The following SFMBT2 variants were observed in gnomAD, a reference collection of about 807,000 sequenced individuals.
SFMBT2 encodes the protein scm-like with four MBT domains protein 2.
Under a neutral mutation model 110.1 loss-of-function variants are expected in SFMBT2, and 38 were observed. The observed-to-expected ratio is 0.35, with a 90% confidence interval of 0.27 to 0.45. The LOEUF is 0.45. Ranked by LOEUF, SFMBT2 falls within the 20% of genes least tolerant of loss-of-function variation. The probability of loss-of-function intolerance (pLI) is 1.00; values close to 1 mark genes in which losing one functional copy is unlikely to be tolerated. For missense variants in SFMBT2, 1,011 were observed against 1,094.9 expected (o/e 0.92, Z 1.08); for synonymous variants, 425 against 425.4 (o/e 1.00, Z 0.01).
intron 11 of SFMBT2, among the ~76,000 whole-genome samples, chr10:7,210,763 C>T (rs1053226297): frequency 2.6e-5 from 4 of 152,324 alleles, no homozygotes; most frequent in Admixed American, 2.6e-4. Flanking sequence ...AGAAGCCCAG[C>T]GCGCAAAGCC....
At chr10:7,231,251 C>G (rs565727060) in intron 9 of SFMBT2, among the ~76,000 whole-genome samples, 1 of 152,302 alleles carries the variant, frequency 6.6e-6, no homozygotes, top group East Asian at 1.9e-4. Flanking sequence ...TTGTTAAAGT[C>G]AAGATCTCCT....
chr10:7,233,685 C>T (rs896979470), intron 9 of SFMBT2, among the ~76,000 whole-genome samples: 1 of 152,196 alleles, frequency 6.6e-6, no homozygotes, highest in Non-Finnish European at 1.5e-5. Context: ...ACTCACAGAG[C>T]AGCACTTCGG....
chr10:7,252,846 T>C (rs1414670021), intron 7 of SFMBT2, among the ~76,000 whole-genome samples: 3 of 152,142 alleles, frequency 2.0e-5, no homozygotes, highest in African/African-American at 7.2e-5. Context: ...TTCTAATGGG[T>C]CCATTCTTGA....
At chr10:7,183,170 T>G (rs915618111) in intron 16 of SFMBT2, among the ~76,000 whole-genome samples, 8 of 152,144 alleles carry the variant, frequency 5.3e-5, no homozygotes, top group Admixed American at 2.0e-4. Flanking sequence ...AACTAAGGAA[T>G]AGCAAAGACA....
At chr10:7,233,902 G>A (rs1840180971) in intron 9 of SFMBT2, among the ~76,000 whole-genome samples, 1 of 152,234 alleles carries the variant, frequency 6.6e-6, no homozygotes, top group South Asian at 2.1e-4. Context: ...ACCTGTCCCA[G>A]GAGCCAGTCT....
Position 7,176,008 on chromosome 10 carries a change from G to A in SFMBT2, c.1966C>T (p.His656Tyr). 6.2e-7 allele frequency: 1 copy of A among 1,614,066 alleles called. No individual in the cohort carries two copies. The highest frequency in any genetic ancestry group is 8.5e-7 in the Non-Finnish European group (1 of 1,179,924). ...SENCPENCSI[H>Y]TKTKYTYYYG... ...TACTTACTGTATTTGGTTTTGGTAT[G>A]AATGGAGCAGTTCTCTGGGCAGTTT... The change falls in exon 17 of 21, where the codon CAT becomes TAT. Residue 656 changes from histidine (H) to tyrosine (Y), a missense_variant. Around this residue, in one of 2 missense-constraint regions of SFMBT2, gnomAD observed 979 missense variants for 1,016.1 expected, o/e 0.96. Coordinates refer to ENST00000397167, the MANE Select transcript of SFMBT2 (RefSeq NM_001387889.1).
chr10:7,302,635 A>G (rs532095738), intron 4 of SFMBT2, among the ~76,000 whole-genome samples: 12 of 152,250 alleles, frequency 7.9e-5, no homozygotes, highest in Non-Finnish European at 1.3e-4. Flanking sequence ...GTGATTGATT[A>G]CAAGGAGCAT....
At chr10:7,356,544 T>C (rs1233694849) in intron 4 of SFMBT2, among the ~76,000 whole-genome samples, 2 of 152,054 alleles carry the variant, frequency 1.3e-5, no homozygotes, top group African/African-American at 2.4e-5. Context: ...GCCTCCCAAG[T>C]AGGGATTACA....
rs1169864990 is a variant in SFMBT2 at position 7,172,179 on chromosome 10, T to A, written c.2152-21A>T. 6.5e-7 allele frequency: 1 copy of A among 1,529,016 alleles called. No individual in the cohort carries two copies. Among genetic ancestry groups the A allele is most frequent in the African/African-American group, 1.4e-5 (1 of 71,876 alleles). 94.7% of individuals were successfully genotyped at this position (1,529,016 alleles called of 1,614,324 possible). A position where few individuals can be genotyped will look rare whatever the true frequency, so the allele number is the denominator to read the frequency against. On this transcript the variant is annotated intron_variant, in intron 18 of 20. Coordinates refer to ENST00000397167, the MANE Select transcript of SFMBT2 (RefSeq NM_001387889.1). This position sits in a 1 kb window ranked among gnomAD's most constrained non-coding sequence, Gnocchi z 4.6. ...CTTTCCTGGGAAGGAGGAAAAGGCA[T>A]TTAAGGGGCTGGTGGCCCGGGGGCC... is the stretch of plus-strand genomic sequence containing the variant.
chr10:7,283,772 T>TA lies in SFMBT2; in HGVS notation c.772+131dup, dbSNP rs1842013038. 9 of 735,634 alleles carry TA rather than the reference T, an allele frequency of 1.2e-5. No homozygotes were observed. The East Asian group carries it at 2.2e-4, about 18-fold the overall frequency. 45.6% of individuals were successfully genotyped at this position (735,634 alleles called of 1,614,324 possible). The stretch of plus-strand genomic sequence containing the variant: ...GTCTCTATGGAAAGCATTGTGAAGT[T>TA]AAAGTGCTTAATATTCACATACTCA... On this transcript the variant is annotated intron_variant, in intron 6 of 20. Coordinates refer to ENST00000397167, the MANE Select transcript of SFMBT2 (RefSeq NM_001387889.1).
chr10:7,321,825 T>C (rs1035433494), intron 4 of SFMBT2, among the ~76,000 whole-genome samples: 1 of 152,244 alleles, frequency 6.6e-6, no homozygotes, highest in African/African-American at 2.4e-5. Context: ...TCCATTAAAA[T>C]ATAATTTCTT....
rs138461128 is a variant in SFMBT2, at chr10:7,293,217, G to A, written c.437-7263C>T. Among the ~76,000 whole-genome samples, 4,391 of 152,032 alleles carry A rather than the reference G, an allele frequency of 0.029. 235 individuals carry two copies. Among genetic ancestry groups the A allele is most frequent in the African/African-American group, 0.099 (4,122 of 41,468 alleles). On this transcript the variant is annotated intron_variant, in intron 4 of 20. Transcript: ENST00000397167. The surrounding 1 kb of genome is among the most constrained non-coding windows in gnomAD (Gnocchi z 4.6). ...GCACCCACCACCATCTCCAGCCTCA[G>A]CTTCCCGAGTAGCTGGGACTACAGG...
intron 1 of SFMBT2, among the ~76,000 whole-genome samples, chr10:7,385,966 C>G (rs892161254): frequency 1.3e-5 from 2 of 152,114 alleles, no homozygotes; most frequent in Non-Finnish European, 2.9e-5. Flanking sequence ...TGCCACTGCA[C>G]TCCAGCCTGG....
intron 4 of SFMBT2, among the ~76,000 whole-genome samples, chr10:7,310,369 C>T (rs1842816291): frequency 6.6e-6 from 1 of 152,212 alleles, no homozygotes; most frequent in African/African-American, 2.4e-5. Context: ...GCTGGGATCT[C>T]ATGCCACGGT....
intron 4 of SFMBT2, among the ~76,000 whole-genome samples, chr10:7,346,863 G>A (rs1042720289): frequency 2.0e-5 from 3 of 151,498 alleles, no homozygotes; most frequent in South Asian, 2.1e-4. Flanking sequence ...GCAGGCGCCT[G>A]TAATCCCAGC....
intron 4 of SFMBT2, chr10:7,329,607 G>T (rs1033252663): frequency 1.2e-5 from 8 of 647,764 alleles, no homozygotes; most frequent in African/African-American, 2.0e-5. Flanking sequence ...AGATTCCTCG[G>T]TTAGAAATCC....
intron 1 of SFMBT2, among the ~76,000 whole-genome samples, chr10:7,405,750 G>A (rs905451719): frequency 2.0e-5 from 3 of 152,048 alleles, no homozygotes; most frequent in African/African-American, 7.2e-5. Flanking sequence ...GGTTGAGGCT[G>A]AGAAAGATGA....
intron 4 of SFMBT2, chr10:7,295,282 G>C (rs1842374545): frequency 6.6e-6 from 1 of 152,202 alleles, no homozygotes; most frequent in South Asian, 2.1e-4. Context: ...TTGTGTTCCT[G>C]TGTCTACGGT....
chr10:7,276,180 C>T (rs1475180967), intron 7 of SFMBT2, among the ~76,000 whole-genome samples: 2 of 152,180 alleles, frequency 1.3e-5, no homozygotes, highest in Non-Finnish European at 2.9e-5. Flanking sequence ...TTCATTTTCA[C>T]GGGAGCACCT....
Sources: allele counts gnomAD v4.1 joint callset (sites outside exome capture counted in the v4.1 genomes callset), GRCh38; gene constraint gnomAD v4.1.1; regional missense constraint gnomAD v4.1.1; non-coding constraint Gnocchi (gnomAD v3.1); transcripts MANE v1.5; gene names NCBI Gene and HGNC (gene_info 2026-07-23, HGNC 2026-07-21).